Variants in ASH1L observed in about 807,000 individuals in gnomAD.
The protein encoded by ASH1L is histone-lysine N-methyltransferase ASH1L.
Under a neutral mutation model 269.0 loss-of-function variants are expected in ASH1L, and 23 were observed. The observed-to-expected ratio is 0.09, with a 90% CI of 0.06 to 0.12. The LOEUF (loss-of-function observed/expected upper bound fraction) is 0.12, where lower values mean the gene tolerates loss of function less well. Ranked by LOEUF, ASH1L falls within the 10% of genes least tolerant of loss-of-function variation. The pLI is 1.00. For missense variants in ASH1L, 2,912 were observed against 3,567.8 expected (o/e 0.82, Z 4.68); for synonymous variants, 1,187 against 1,253.5 (o/e 0.95, Z 1.12).
intron 12 of ASH1L, among the ~76,000 whole-genome samples, chr1:155,363,271 C>A (rs1242317338): frequency 6.6e-6 from 1 of 152,124 alleles, no homozygotes; most frequent in Non-Finnish European, 1.5e-5. Context: ...GCGTGAGCCA[C>A]CGCGCCTGGC....
chr1:155,402,551 G>A (rs2148502549), intron 6 of ASH1L, among the ~76,000 whole-genome samples: 1 of 152,242 alleles, frequency 6.6e-6, no homozygotes, highest in South Asian at 2.1e-4. Flanking sequence ...ATGTTTTACT[G>A]CTTTGTTTTG....
At chr1:155,369,214 C>A (rs920929939) in intron 12 of ASH1L, among the ~76,000 whole-genome samples, 4 of 152,056 alleles carry the variant, frequency 2.6e-5, no homozygotes, top group Non-Finnish European at 4.4e-5. Context: ...GAGGCCGAGG[C>A]GGGCGGATCA....
chr1:155,478,528 G>C lies in ASH1L; in HGVS notation c.4342C>G (p.Arg1448Gly). 1 of 1,614,132 alleles carries C rather than the reference G, an allele frequency of 6.2e-7. No individual in the cohort carries two copies. The highest frequency in any genetic ancestry group is 8.5e-7 in the Non-Finnish European group (1 of 1,180,026). ...KYHKKKHKLL[R>G]QEAFLTTSRT... ...CTGGTTGTAAGAAAGGCCTCCTGTCGAAGTAGCTTATGCTTTTTCTTATGG... is the reference window on the plus strand; with the variant it reads ...CTGGTTGTAAGAAAGGCCTCCTGTCCAAGTAGCTTATGCTTTTTCTTATGG... The change falls in exon 3 of 28, where the codon CGA becomes GGA. Residue 1448 changes from arginine to glycine, a missense_variant. This residue lies in a region of ASH1L where 789 missense variants were observed against 897.6 expected (regional missense o/e 0.88). Transcript: ENST00000392403. The surrounding 1 kb of genome is among the most constrained non-coding windows in gnomAD (Gnocchi z 4.6).
At chr1:155,533,986 C>T (rs1007814639) in intron 1 of ASH1L, among the ~76,000 whole-genome samples, 4 of 151,728 alleles carry the variant, frequency 2.6e-5, no homozygotes, top group Non-Finnish European at 5.9e-5. Flanking sequence ...TCATGAGTAA[C>T]ACAAACATGG....
intron 5 of ASH1L, among the ~76,000 whole-genome samples, chr1:155,427,606 T>C (rs1661256362): frequency 6.6e-6 from 1 of 151,956 alleles, no homozygotes; most frequent in South Asian, 2.1e-4. Context: ...GCCCGGCTAA[T>C]TTTTCTATTT....
intron 6 of ASH1L, among the ~76,000 whole-genome samples, chr1:155,398,062 A>T (rs1248450598): frequency 6.6e-6 from 1 of 152,226 alleles, no homozygotes; most frequent in Non-Finnish European, 1.5e-5. Context: ...TTGGATTTAA[A>T]ACAATGTTCC....
Position 155,344,096 on chromosome 1 carries a change from G to A in ASH1L, c.7981+87C>T, listed in dbSNP as rs1182371301. The A allele has an allele frequency of 2.5e-6, 3 of 1,196,960 alleles. No homozygotes were observed. In the East Asian group the frequency reaches 7.1e-5, roughly 28 times the overall value. The allele number at this position is 1,196,960 out of a possible 1,614,324, so 74.1% of individuals were successfully genotyped here. ...CTATTGCTATTCGAGGCCGTATGGAGACAATGACTATGATGGAGACAGCAG... is the reference window on the plus strand; with the variant it reads ...CTATTGCTATTCGAGGCCGTATGGAAACAATGACTATGATGGAGACAGCAG... On this transcript the variant is annotated intron_variant, in intron 22 of 27. Coordinates refer to ENST00000392403, the MANE Select transcript of ASH1L (RefSeq NM_018489.3).
chr1:155,424,041 G>C (rs1660937121), intron 5 of ASH1L, among the ~76,000 whole-genome samples: 1 of 152,062 alleles, frequency 6.6e-6, no homozygotes, highest in Non-Finnish European at 1.5e-5. Context: ...TCTTGAAATG[G>C]TGGGCAACCA....
chr1:155,352,528 C>T lies in ASH1L; in HGVS notation c.7366+178G>A, dbSNP rs1015670020. On this transcript the variant is annotated intron_variant, in intron 17 of 27. Transcript: ENST00000392403. ...AAATGAAAAAGAAAAGAAATGCCCA[C>T]GAGCAGTAGCTCATACCTGTAATCC... Among the ~76,000 whole-genome samples the T allele has an allele frequency of 1.8e-4, 27 of 151,326 alleles. 1 individual carries two copies. The Middle Eastern group carries it at 0.014, about 77-fold the overall frequency.
intron 1 of ASH1L, among the ~76,000 whole-genome samples, chr1:155,523,803 G>A (rs1044491917): frequency 2.3e-4 from 35 of 152,202 alleles, no homozygotes; most frequent in African/African-American, 7.7e-4. Flanking sequence ...CCTGGCAGGC[G>A]GAGGTTGCAG....
chr1:155,336,747 G>A lies in ASH1L; in HGVS notation c.*913C>T, dbSNP rs1449872805. On this transcript the variant is annotated 3_prime_UTR_variant, in exon 28 of 28. Coordinates refer to ENST00000392403, the MANE Select transcript of ASH1L (RefSeq NM_018489.3). ...ATACTCACAACAAATACTCTGATAG[G>A]TGAATACTGCTGAACAGTTTATGTA... The A allele has an allele frequency of 6.6e-6, 1 of 152,336 alleles. No individual in the cohort carries two copies. Among genetic ancestry groups the A allele is most frequent in the Non-Finnish European group, 1.5e-5 (1 of 68,022 alleles). 9.4% of individuals were successfully genotyped at this position (152,336 alleles called of 1,614,324 possible).
chr1:155,415,641 C>T (rs749953205), intron 6 of ASH1L, 103 bp downstream of exon 6: 22 of 1,350,038 alleles, frequency 1.6e-5, no homozygotes, highest in African/African-American at 4.4e-5. Flanking sequence ...ACAATCATCA[C>T]GCTTATGAAA....
intron 3 of ASH1L, among the ~76,000 whole-genome samples, chr1:155,469,921 G>A (rs999461797): frequency 4.6e-5 from 7 of 152,048 alleles, no homozygotes; most frequent in African/African-American, 1.4e-4. Flanking sequence ...TCATATAAAC[G>A]AGGACTTTAT....
intron 1 of ASH1L, among the ~76,000 whole-genome samples, chr1:155,523,396 G>C (rs1669019676): frequency 6.6e-6 from 1 of 152,166 alleles, no homozygotes; most frequent in African/African-American, 2.4e-5. Context: ...AGGAGACTGA[G>C]GTGGGAGATC....
chr1:155,547,057 A>G (rs769593753), intron 1 of ASH1L, among the ~76,000 whole-genome samples: 8 of 147,660 alleles, frequency 5.4e-5, no homozygotes, highest in Middle Eastern at 3.3e-3. Context: ...AGTTCAAGCA[A>G]TTCTCCTGCC....
Position 155,343,096 on chromosome 1 carries a change from C to CA in ASH1L, c.8293+217_8293+218insT. On this transcript the variant is annotated intron_variant, in intron 24 of 27. Coordinates refer to ENST00000392403, the MANE Select transcript of ASH1L (RefSeq NM_018489.3). The surrounding 1 kb of genome is among the most constrained non-coding windows in gnomAD (Gnocchi z 6.1). ...GTGCGATCTTGGCTCACTGCAACCT[C>CA]TGCCTCCCAGGCTCAGCAATCCTCC... 1 of 471,050 alleles carries CA rather than the reference C, an allele frequency of 2.1e-6. No individual in the cohort carries two copies. Among genetic ancestry groups the CA allele is most frequent in the Admixed American group, 3.9e-5 (1 of 25,944 alleles). The allele number at this position is 471,050 out of a possible 1,614,324, so 29.2% of individuals were successfully genotyped here. A position where few individuals can be genotyped will look rare whatever the true frequency, so the allele number is the denominator to read the frequency against.
intron 4 of ASH1L, among the ~76,000 whole-genome samples, chr1:155,448,641 C>T (rs1005198441): frequency 2.0e-5 from 3 of 152,058 alleles, no homozygotes; most frequent in African/African-American, 4.8e-5. Flanking sequence ...ATTACAGGTG[C>T]GCGTGACCAC....
chr1:155,548,018 G>A (rs1359074858), intron 1 of ASH1L, among the ~76,000 whole-genome samples: 1 of 152,108 alleles, frequency 6.6e-6, no homozygotes, highest in East Asian at 1.9e-4. Context: ...CCTTTGCAGG[G>A]ACATGGATGA....
rs142013877 is a variant in ASH1L, at chr1:155,367,234, C to T, written c.6686+3270G>A. On this transcript the variant is annotated intron_variant, in intron 12 of 27. Transcript: ENST00000392403. The stretch of plus-strand genomic sequence containing the variant: ...GTCTCAAACTCCTGACCTCATGATC[C>T]GCTCGCCTTGGCCTCCCAAAGTGCT... Among the ~76,000 whole-genome samples the T allele has an allele frequency of 6.2e-3, 950 of 152,254 alleles. 12 individuals carry two copies. The highest frequency in any genetic ancestry group is 0.022 in the African/African-American group (913 of 41,558).
Sources: gnomAD v4.1 joint callset for allele counts (sites outside exome capture counted in the v4.1 genomes callset) on GRCh38, gnomAD v4.1.1 for gene constraint, gnomAD v4.1.1 regional missense constraint, Gnocchi (gnomAD v3.1) non-coding constraint, MANE v1.5 for transcripts, NCBI Gene and HGNC (gene_info 2026-07-23, HGNC 2026-07-21) for gene names.